NUDCD3: variants seen among roughly 807,000 people sequenced by gnomAD.
NUDCD3 encodes the protein nudC domain-containing protein 3.
Under a neutral mutation model 39.7 loss-of-function variants are expected in NUDCD3, and 13 were observed. That is an observed-to-expected ratio of 0.33 (90% CI 0.21 to 0.52). NUDCD3 has a LOEUF of 0.52. Ranked by LOEUF, NUDCD3 falls within the 20% of genes least tolerant of loss-of-function variation. The probability of loss-of-function intolerance (pLI) is 0.96; values close to 1 mark genes in which losing one functional copy is unlikely to be tolerated. For synonymous variants in NUDCD3, 175 were observed against 172.4 expected (o/e 1.02, Z -0.12); for missense variants, 453 against 458.1 (o/e 0.99, Z 0.10).
chr7:44,396,362 ATTAT>A (rs1257294327), intron 4 of NUDCD3, among the ~76,000 whole-genome samples: 2 of 152,186 alleles, frequency 1.3e-5, no homozygotes, highest in African/African-American at 2.4e-5. Context: ...CAAAATTTTA[ATTAT>A]TTATTTATTT....
In NUDCD3 at chr7:44,435,318, C is replaced by T. The variant is rs1482232375; in HGVS notation, c.510-7615G>A. On this transcript the variant is annotated intron_variant, in intron 2 of 5. Coordinates refer to ENST00000355451, the MANE Select transcript of NUDCD3 (RefSeq NM_015332.4). ...TGGGACCAGAACACACACGGTAAGC[C>T]TAGCCGTCTTCCTTACAAGTGGGGA... is the stretch of plus-strand genomic sequence containing the variant. Among the ~76,000 whole-genome samples, 7 of 152,120 alleles carry T rather than the reference C, an allele frequency of 4.6e-5. No individual in the cohort carries two copies. The East Asian group carries it at 1.3e-3, about 29-fold the overall frequency.
At chr7:44,408,440 A>C (rs1257060381) in intron 3 of NUDCD3, among the ~76,000 whole-genome samples, 1 of 152,216 alleles carries the variant, frequency 6.6e-6, no homozygotes, top group Non-Finnish European at 1.5e-5. Flanking sequence ...CTCAGTATTA[A>C]TGAATCTGGG....
chr7:44,440,496 G>GAAAAAAAAA (rs72065068), intron 2 of NUDCD3, among the ~76,000 whole-genome samples: 3,009 of 48,276 alleles, frequency 0.062, 193 homozygotes, highest in Non-Finnish European at 0.11. Flanking sequence ...CAGAAAAATT[G>GAAAAAAAAA]AAAAAAAAAA....
chr7:44,446,474 CCTA>C (rs984144396), intron 2 of NUDCD3, among the ~76,000 whole-genome samples: 5 of 152,236 alleles, frequency 3.3e-5, no homozygotes, highest in Non-Finnish European at 7.3e-5. Context: ...GAGAAACAGT[CCTA>C]CTATTTATAA....
intron 2 of NUDCD3, among the ~76,000 whole-genome samples, chr7:44,475,487 G>A (rs1033229890): frequency 2.0e-5 from 3 of 152,172 alleles, no homozygotes; most frequent in Non-Finnish European, 2.9e-5. Flanking sequence ...GCTGGATACA[G>A]ACACTCATGC....
chr7:44,456,037 A>AAC (rs1201629695), intron 2 of NUDCD3, among the ~76,000 whole-genome samples: 5 of 130,264 alleles, frequency 3.8e-5, no homozygotes, highest in African/African-American at 1.4e-4. Flanking sequence ...AAAAAAAAAA[A>AAC]AAAAAAAAAA....
chr7:44,433,028 G>A (rs1034391814), intron 2 of NUDCD3, among the ~76,000 whole-genome samples: 5 of 152,192 alleles, frequency 3.3e-5, no homozygotes, highest in South Asian at 2.1e-4. Context: ...CTCTGAGTGG[G>A]ATTAGTGCCC....
chr7:44,412,053 T>C (rs1798937322), intron 3 of NUDCD3, among the ~76,000 whole-genome samples: 1 of 152,222 alleles, frequency 6.6e-6, no homozygotes, highest in Admixed American at 6.5e-5. Flanking sequence ...GCAGATGCCA[T>C]GTCACAGGCC....
chr7:44,408,396 T>C (rs1563167857), intron 3 of NUDCD3, among the ~76,000 whole-genome samples: 1 of 151,728 alleles, frequency 6.6e-6, no homozygotes, highest in Non-Finnish European at 1.5e-5. Context: ...CAGTCTAGAG[T>C]GGAGTTCAGG....
chr7:44,403,774 C>G (rs1223509626), intron 4 of NUDCD3, among the ~76,000 whole-genome samples: 1 of 152,118 alleles, frequency 6.6e-6, no homozygotes, highest in Non-Finnish European at 1.5e-5. Context: ...TTCTTTTCAC[C>G]TTTATTCCTT....
intron 2 of NUDCD3, chr7:44,468,399 A>C: frequency 9.7e-7 from 1 of 1,026,372 alleles, no homozygotes; most frequent in South Asian, 1.6e-5. Context: ...CAGGGAGACG[A>C]AAGAATTTGT....
chr7:44,401,672 G>C (rs1053772906), intron 4 of NUDCD3, among the ~76,000 whole-genome samples: 72 of 152,214 alleles, frequency 4.7e-4, no homozygotes, highest in African/African-American at 1.4e-3. Context: ...AGAATATTTA[G>C]GAGCCGTGTT....
chr7:44,401,395 A>C (rs1042217027), intron 4 of NUDCD3, among the ~76,000 whole-genome samples: 7 of 152,236 alleles, frequency 4.6e-5, no homozygotes, highest in Non-Finnish European at 1.0e-4. Context: ...AGCTCCTGTA[A>C]ACAGCAAAGT....
Position 44,410,688 on chromosome 7 carries a change from G to T in NUDCD3, c.643-6105C>A, listed in dbSNP as rs569840318. ...CAAAAAAAAAAAAGTCTAGTAACAG[G>T]CCAGGCATGGTGGCTCACACCTGTA... On this transcript the variant is annotated intron_variant, in intron 3 of 5. Coordinates refer to ENST00000355451, the MANE Select transcript of NUDCD3 (RefSeq NM_015332.4). Among the ~76,000 whole-genome samples, 3 of 150,350 alleles carry T rather than the reference G, an allele frequency of 2.0e-5. No homozygotes were observed. The South Asian group carries it at 6.3e-4, about 32-fold the overall frequency.
intron 5 of NUDCD3, among the ~76,000 whole-genome samples, chr7:44,389,368 T>C (rs1258016732): frequency 1.3e-5 from 2 of 152,202 alleles, no homozygotes; most frequent in Admixed American, 1.3e-4. Context: ...GCAGTGGGCT[T>C]GGCAACAAGC....
rs1799540510 is a variant in NUDCD3, at chr7:44,439,774, A to C, written c.510-12071T>G. ...ATAAGTAACTGAATAAATTATAATGAACAAATGAGGGAAGGGGACAAATCT... is the reference window on the plus strand; with the variant it reads ...ATAAGTAACTGAATAAATTATAATGCACAAATGAGGGAAGGGGACAAATCT... On this transcript the variant is annotated intron_variant, in intron 2 of 5. Transcript: ENST00000355451. Among the ~76,000 whole-genome samples, 5 of 152,284 alleles carry C rather than the reference A, an allele frequency of 3.3e-5. No homozygotes were observed. The South Asian group carries it at 1.0e-3, about 32-fold the overall frequency.
chr7:44,486,416 C>T (rs1291563771), intron 1 of NUDCD3, among the ~76,000 whole-genome samples: 1 of 152,008 alleles, frequency 6.6e-6, no homozygotes, highest in Non-Finnish European at 1.5e-5. Context: ...AAAAATAAGG[C>T]TTGGAAAGGT....
chr7:44,459,183 T>TG (rs1799959932), intron 2 of NUDCD3, among the ~76,000 whole-genome samples: 1 of 151,952 alleles, frequency 6.6e-6, no homozygotes, highest in Middle Eastern at 3.4e-3. Context: ...CTATTGTAGA[T>TG]GGATTTTTCT....
rs1184502273 is a variant in NUDCD3, at chr7:44,379,529, C to G, written c.*6482G>C. The G allele has an allele frequency of 6.6e-6, 1 of 152,188 alleles. No homozygotes were observed. Among genetic ancestry groups the G allele is most frequent in the Non-Finnish European group, 1.5e-5 (1 of 68,118 alleles). 9.4% of individuals were successfully genotyped at this position (152,188 alleles called of 1,614,324 possible). A position where few individuals can be genotyped will look rare whatever the true frequency, so the allele number is the denominator to read the frequency against. ...GGCTCTGCCAATGGGAGGTTACCAG[C>G]AGGAGAGCCTGGAGTGTCGAGGAGT... On this transcript the variant is annotated 3_prime_UTR_variant, in exon 6 of 6. Coordinates refer to ENST00000355451, the MANE Select transcript of NUDCD3 (RefSeq NM_015332.4).
Sources: gnomAD v4.1 joint callset for allele counts (sites outside exome capture counted in the v4.1 genomes callset) on GRCh38, gnomAD v4.1.1 for gene constraint, MANE v1.5 for transcripts, NCBI Gene and HGNC (gene_info 2026-07-23, HGNC 2026-07-21) for gene names.